CALN1: variants seen among roughly 807,000 people sequenced by gnomAD.
CALN1 encodes calcium-binding protein 8.
A neutral mutation model predicts 30.6 loss-of-function variants in CALN1; 17 were observed. The observed-to-expected ratio is 0.56, with a 90% CI of 0.38 to 0.83. CALN1 has a LOEUF of 0.83. Ranked by LOEUF, CALN1 falls within the 40% of genes least tolerant of loss-of-function variation. The pLI is 0.00. For missense variants in CALN1, 291 were observed against 354.9 expected, an observed-to-expected ratio of 0.82 and a Z score of 1.45; for synonymous variants, 156 against 131.4, an observed-to-expected ratio of 1.19 and a Z score of -1.28.
chr7:72,122,038 G>T (rs566155663), intron 3 of CALN1, among the ~76,000 whole-genome samples: 2 of 151,840 alleles, frequency 1.3e-5, no homozygotes, highest in South Asian at 4.2e-4. Flanking sequence ...ATAGTCATTC[G>T]TCACACAGCC....
At chr7:72,019,003 A>ATT (rs376556919) in intron 5 of CALN1, among the ~76,000 whole-genome samples, 1 of 143,862 alleles carries the variant, frequency 7.0e-6, no homozygotes. Flanking sequence ...TATCCAGCTA[A>ATT]TTTTTTTTTT....
chr7:72,087,517 T>C (rs1193854592), intron 4 of CALN1, among the ~76,000 whole-genome samples: 2 of 152,184 alleles, frequency 1.3e-5, no homozygotes, highest in Non-Finnish European at 2.9e-5. Flanking sequence ...GAAAAGTATC[T>C]AGTTTATGTC....
At chr7:72,417,621 G>A (rs1361642952) in intron 1 of CALN1, among the ~76,000 whole-genome samples, 1 of 152,176 alleles carries the variant, frequency 6.6e-6, no homozygotes, top group African/African-American at 2.4e-5. Context: ...ATATGATTAT[G>A]TTCAATCCAA....
chr7:72,326,833 T>A (rs1306204489), intron 2 of CALN1, among the ~76,000 whole-genome samples: 1 of 152,026 alleles, frequency 6.6e-6, no homozygotes, highest in South Asian at 2.1e-4. Flanking sequence ...ATGAACTCTG[T>A]TTGACAGTGC....
At chr7:72,283,870 C>A (rs1048105054) in intron 2 of CALN1, among the ~76,000 whole-genome samples, 1 of 145,242 alleles carries the variant, frequency 6.9e-6, no homozygotes, top group Non-Finnish European at 1.5e-5. Flanking sequence ...AAAGAAGAGT[C>A]CACTTCCTGG....
intron 3 of CALN1, among the ~76,000 whole-genome samples, chr7:72,112,879 C>A (rs568633880): frequency 6.6e-6 from 1 of 152,082 alleles, no homozygotes; most frequent in South Asian, 2.1e-4. Flanking sequence ...CCACGGAGGT[C>A]GAGATGTTGA....
intron 3 of CALN1, among the ~76,000 whole-genome samples, chr7:72,196,177 G>A (rs918615642): frequency 2.0e-5 from 3 of 151,866 alleles, no homozygotes; most frequent in Non-Finnish European, 4.4e-5. Context: ...GAGCGCAGTG[G>A]CGAGATCTCG....
intron 2 of CALN1, among the ~76,000 whole-genome samples, chr7:72,359,921 G>A (rs1417747770): frequency 1.5e-5 from 2 of 132,380 alleles, no homozygotes; most frequent in Admixed American, 8.9e-5. Context: ...AGCTTGCAGT[G>A]AGCCAAAATC....
chr7:72,062,107 C>T (rs1803695981), intron 4 of CALN1, among the ~76,000 whole-genome samples: 1 of 152,160 alleles, frequency 6.6e-6, no homozygotes, highest in South Asian at 2.1e-4. Flanking sequence ...TGGAAACATC[C>T]TTCAGGAATG....
At chr7:72,384,556 C>G (rs1585628238) in intron 2 of CALN1, among the ~76,000 whole-genome samples, 1 of 151,960 alleles carries the variant, frequency 6.6e-6, no homozygotes, top group Admixed American at 6.6e-5. Flanking sequence ...ATTGCTTGAG[C>G]CTGGGAGTTC....
intron 3 of CALN1, among the ~76,000 whole-genome samples, chr7:72,272,925 T>C (rs572458753): frequency 1.3e-5 from 2 of 151,880 alleles, no homozygotes; most frequent in African/African-American, 2.4e-5. Context: ...AAAATGTTCC[T>C]AGGATGACCA....
At chr7:72,187,324 G>C (rs1450451401) in intron 3 of CALN1, among the ~76,000 whole-genome samples, 2 of 152,242 alleles carry the variant, frequency 1.3e-5, no homozygotes, top group East Asian at 1.9e-4. Context: ...TGTCCATAGA[G>C]ATGCAGATTA....
chr7:72,236,606 G>A (rs149499002), intron 3 of CALN1, among the ~76,000 whole-genome samples: 9 of 152,286 alleles, frequency 5.9e-5, no homozygotes, highest in South Asian at 2.1e-4. Flanking sequence ...CTCTTGCATC[G>A]TGGTGGAAAA....
chr7:72,277,691 T>C (rs981670713), intron 3 of CALN1, among the ~76,000 whole-genome samples: 2 of 152,166 alleles, frequency 1.3e-5, no homozygotes, highest in African/African-American at 4.8e-5. Context: ...TTCCTGCCTG[T>C]TGTGAAGCAA....
At chr7:72,366,842 G>A (rs1331415026) in intron 2 of CALN1, among the ~76,000 whole-genome samples, 1 of 151,218 alleles carries the variant, frequency 6.6e-6, no homozygotes, top group Non-Finnish European at 1.5e-5. Flanking sequence ...AAAAAAAGGT[G>A]TTGACATGCT....
At position 71,849,210 on chromosome 7, in the gene CALN1, C is replaced by G. The variant is rs147751800; in HGVS notation, c.502-38718G>C. On this transcript the variant is annotated intron_variant, in intron 5 of 6. Coordinates refer to ENST00000395275, the MANE Select transcript of CALN1 (RefSeq NM_031468.4). ...GTGAGCATGTAGCTTTTTTACATCT[C>G]CAATAGATAGGCAGTTGCCCCAATT... 1.9e-3 allele frequency among the ~76,000 whole-genome samples: 286 copies of G among 152,262 alleles called. 1 individual carries two copies. The highest frequency in any genetic ancestry group is 2.8e-3 in the Non-Finnish European group (192 of 68,024).
At chr7:72,417,275 C>T (rs569771954), upstream of CALN1, among the ~76,000 whole-genome samples, 235 of 152,332 alleles carry the variant, frequency 1.5e-3, 1 homozygote, top group African/African-American at 5.1e-3. Flanking sequence ...GGTCTCTGGC[C>T]ATCAGCCTGC....
At chr7:71,899,099 C>T (rs1793705373) in intron 5 of CALN1, among the ~76,000 whole-genome samples, 1 of 151,034 alleles carries the variant, frequency 6.6e-6, no homozygotes, top group South Asian at 2.1e-4. Flanking sequence ...AAATACACAA[C>T]TTCTCTCTCT....
chr7:71,940,095 G>GT (rs143902228), intron 5 of CALN1, among the ~76,000 whole-genome samples: 30,741 of 152,028 alleles, frequency 0.2, 3,315 homozygotes, highest in East Asian at 0.48. Flanking sequence ...CCCTTCAAGG[G>GT]TCTCAACTGG....
Sources: gnomAD v4.1 joint callset for allele counts (sites outside exome capture counted in the v4.1 genomes callset) on GRCh38, gnomAD v4.1.1 for gene constraint, MANE v1.5 for transcripts, NCBI Gene and HGNC (gene_info 2026-07-23, HGNC 2026-07-21) for gene names.